GALNT13: variants seen among roughly 807,000 people sequenced by gnomAD.
GALNT13 encodes the protein polypeptide N-acetylgalactosaminyltransferase 13.
Under a neutral mutation model 64.2 loss-of-function variants are expected in GALNT13, and 28 were observed. The ratio of observed to expected loss-of-function variants is 0.44; its 90% CI spans 0.32 to 0.60. The LOEUF (loss-of-function observed/expected upper bound fraction) is 0.60. Among genes scored for constraint, GALNT13 ranks in the 20% least tolerant of loss-of-function variants. The pLI, the probability that GALNT13 is intolerant of heterozygous loss-of-function variation, is 0.05. For synonymous variants in GALNT13, 214 were observed against 224.6 expected, an observed-to-expected ratio of 0.95 and a Z score of 0.42; for missense variants, 577 against 669.8, an observed-to-expected ratio of 0.86 and a Z score of 1.53.
chr2:153,135,153 T>C, the GALNT13 span, among the ~76,000 whole-genome samples: 1 of 152,134 alleles, frequency 6.6e-6, no homozygotes. Flanking sequence ...GACAGCTACC[T>C]TCTCACTGTC....
At chr2:153,270,008 A>G in the GALNT13 span, among the ~76,000 whole-genome samples, 1 of 152,198 alleles carries the variant, frequency 6.6e-6, no homozygotes, top group Non-Finnish European at 1.5e-5. Flanking sequence ...GAGCCAAACC[A>G]TATCAGTTCC....
chr2:153,483,332 A>G, the GALNT13 span, among the ~76,000 whole-genome samples: 1 of 152,064 alleles, frequency 6.6e-6, no homozygotes, highest in African/African-American at 2.4e-5. Flanking sequence ...CCAAACGTCC[A>G]TCAACAAATG....
chr2:153,778,959 C>A, the GALNT13 span, among the ~76,000 whole-genome samples: 1 of 152,146 alleles, frequency 6.6e-6, no homozygotes, highest in Non-Finnish European at 1.5e-5. Context: ...ATATTCAAAT[C>A]CCAGCTCTAA....
chr2:153,847,745 T>C, the GALNT13 span, among the ~76,000 whole-genome samples: 5 of 152,282 alleles, frequency 3.3e-5, no homozygotes, highest in Admixed American at 3.3e-4. Context: ...GAGGAAAACA[T>C]GTAGAATGTT....
intron 3 of GALNT13, among the ~76,000 whole-genome samples, chr2:154,113,247 G>A (rs1470193631): frequency 6.6e-6 from 1 of 152,104 alleles, no homozygotes; most frequent in African/African-American, 2.4e-5. Flanking sequence ...GCTCCAGTAA[G>A]CCTCCCTATC....
chr2:154,354,736 T>C (rs1329155826), intron 9 of GALNT13, among the ~76,000 whole-genome samples: 1 of 152,070 alleles, frequency 6.6e-6, no homozygotes, highest in Non-Finnish European at 1.5e-5. Flanking sequence ...TCATAAATGT[T>C]TGGATTTATT....
At chr2:153,470,807 TAGAA>T in the GALNT13 span, among the ~76,000 whole-genome samples, 1 of 152,192 alleles carries the variant, frequency 6.6e-6, no homozygotes, top group African/African-American at 2.4e-5. Flanking sequence ...ATCATTTCCT[TAGAA>T]AGCTCATCTA....
At chr2:153,631,183 G>T in the GALNT13 span, among the ~76,000 whole-genome samples, 2 of 151,998 alleles carry the variant, frequency 1.3e-5, no homozygotes, top group Non-Finnish European at 2.9e-5. Context: ...GCATATATGT[G>T]CCACATTTTC....
the GALNT13 span, among the ~76,000 whole-genome samples, chr2:153,804,066 A>G: frequency 2.0e-5 from 3 of 152,246 alleles, no homozygotes; most frequent in East Asian, 5.8e-4. Flanking sequence ...ATGAAATGAC[A>G]TTAACAGAAG....
intron 10 of GALNT13, among the ~76,000 whole-genome samples, chr2:154,398,112 T>C (rs1699139582): frequency 6.6e-6 from 1 of 152,244 alleles, no homozygotes; most frequent in Admixed American, 6.5e-5. Flanking sequence ...CTTATCACTT[T>C]ATTGAAAATT....
chr2:153,466,125 C>T, the GALNT13 span, among the ~76,000 whole-genome samples: 1 of 152,222 alleles, frequency 6.6e-6, no homozygotes, highest in Non-Finnish European at 1.5e-5. Flanking sequence ...ATCTCTTCTG[C>T]ATGGTCATCC....
the GALNT13 span, among the ~76,000 whole-genome samples, chr2:153,791,564 C>G: frequency 6.6e-6 from 1 of 152,096 alleles, no homozygotes; most frequent in Non-Finnish European, 1.5e-5. Context: ...TCCAGCAATC[C>G]TATTGCTGAG....
At chr2:154,283,532 C>A (rs934407796) in intron 8 of GALNT13, among the ~76,000 whole-genome samples, 1 of 150,112 alleles carries the variant, frequency 6.7e-6, no homozygotes, top group Non-Finnish European at 1.5e-5. Context: ...ACTTCGAGAT[C>A]GCACCACTGC....
At chr2:153,702,284 G>A in the GALNT13 span, among the ~76,000 whole-genome samples, 1 of 152,048 alleles carries the variant, frequency 6.6e-6, no homozygotes, top group African/African-American at 2.4e-5. Context: ...TTAAAAGTAG[G>A]AGTTGAACAA....
intron 9 of GALNT13, among the ~76,000 whole-genome samples, chr2:154,392,396 ATGACAGGTGAGGGGGTCTGGTG>A (rs1698837489): frequency 6.6e-6 from 1 of 152,222 alleles, no homozygotes; most frequent in Non-Finnish European, 1.5e-5. Context: ...TTAGGCAATC[ATGACAGGTGAGGGGGTCTGGTG>A]TCTCACTGTC....
At chr2:153,189,969 A>T in the GALNT13 span, among the ~76,000 whole-genome samples, 3 of 151,826 alleles carry the variant, frequency 2.0e-5, no homozygotes, top group Non-Finnish European at 2.9e-5. Context: ...CTGTTGTCTG[A>T]TTTCTTTTAT....
At chr2:154,165,640 C>G (rs1177566868) in intron 4 of GALNT13, among the ~76,000 whole-genome samples, 1 of 152,096 alleles carries the variant, frequency 6.6e-6, no homozygotes, top group East Asian at 1.9e-4. Context: ...GGAATAGATG[C>G]AGCATAACAT....
At chr2:153,723,519 T>C in the GALNT13 span, among the ~76,000 whole-genome samples, 1,582 of 150,236 alleles carry the variant, frequency 0.011, 57 homozygotes, top group East Asian at 0.13. Flanking sequence ...AAATTGTCCC[T>C]GTTTGCAGAC....
chr2:154,187,369 A>AACACACAC (rs10578569), intron 4 of GALNT13, among the ~76,000 whole-genome samples: 51 of 140,350 alleles, frequency 3.6e-4, no homozygotes, highest in Middle Eastern at 3.6e-3. Flanking sequence ...GATAGGAGAA[A>AACACACAC]ACACACACAC....
Sources: allele counts gnomAD v4.1 joint callset (sites outside exome capture counted in the v4.1 genomes callset), GRCh38; gene constraint gnomAD v4.1.1; transcripts MANE v1.5; gene names NCBI Gene and HGNC (gene_info 2026-07-23, HGNC 2026-07-21).